Variants in FANCD2 observed in about 807,000 individuals in gnomAD.
FANCD2 encodes the protein Fanconi anemia group D2 protein.
A neutral mutation model predicts 192.3 loss-of-function variants in FANCD2; 131 were observed. The ratio of observed to expected loss-of-function variants is 0.68; its 90% CI spans 0.59 to 0.79. FANCD2 has a LOEUF of 0.79. Among genes scored for constraint, FANCD2 ranks in the 30% least tolerant of loss-of-function variants. The pLI is 0.00. For missense variants in FANCD2, 1,508 were observed against 1,701.6 expected, an observed-to-expected ratio of 0.89 and a Z score of 2.00; for synonymous variants, 524 against 612.5, an observed-to-expected ratio of 0.86 and a Z score of 2.13.
At chr3:10,046,481 C>T in intron 14 of FANCD2, 99 bp from the exon 15 acceptor site, 1 of 1,561,732 alleles carries the variant, frequency 6.4e-7, no homozygotes, top group Non-Finnish European at 8.7e-7. Flanking sequence ...GAGCATTATC[C>T]ATTCTGTGTT....
intron 17 of FANCD2, among the ~76,000 whole-genome samples, chr3:10,050,577 A>C (rs1333519022): frequency 8.1e-5 from 12 of 147,274 alleles, no homozygotes; most frequent in South Asian, 2.2e-4. Flanking sequence ...GAGCCAAGAT[A>C]ACACCACTGC....
chr3:10,036,647 C>T (rs543329381), intron 7 of FANCD2, among the ~76,000 whole-genome samples: 2 of 151,490 alleles, frequency 1.3e-5, no homozygotes, highest in African/African-American at 4.8e-5. Context: ...CCAGCCTGGG[C>T]AATGTAGTGA....
At chr3:10,066,669 T>G (rs1474604985) in intron 25 of FANCD2, among the ~76,000 whole-genome samples, 4 of 152,198 alleles carry the variant, frequency 2.6e-5, no homozygotes, top group African/African-American at 7.2e-5. Flanking sequence ...GTCTGGCTAT[T>G]CCACCTTGTA....
chr3:10,035,035 C>T, intron 5 of FANCD2, 138 bp from the exon 6 acceptor site: 1 of 761,314 alleles, frequency 1.3e-6, no homozygotes, highest in Non-Finnish European at 2.2e-6. Flanking sequence ...GAGCCATCTG[C>T]TCATTTCTGT....
Position 10,101,337 on chromosome 3 carries a change from C to T in FANCD2, c.*75C>T. 9.7e-7 allele frequency: 1 copy of T among 1,026,574 alleles called. No homozygotes were observed. Among genetic ancestry groups the T allele is most frequent in the South Asian group, 1.3e-5 (1 of 78,708 alleles). 63.6% of individuals were successfully genotyped at this position (1,026,574 alleles called of 1,614,324 possible). A position where few individuals can be genotyped will look rare whatever the true frequency, so the allele number is the denominator to read the frequency against. On this transcript the variant is annotated 3_prime_UTR_variant, in exon 44 of 44. Coordinates refer to ENST00000675286, the MANE Select transcript of FANCD2 (RefSeq NM_001018115.3). Reference sequence around the variant, plus strand: ...ATTTTGTGTTAGAGTTTGAAATCCGCTGTTTGCCTTTCTTACTGGTAGGAT... The same window carrying T: ...ATTTTGTGTTAGAGTTTGAAATCCGTTGTTTGCCTTTCTTACTGGTAGGAT...
Position 10,101,364 on chromosome 3 carries a change from C to T in FANCD2, c.*102C>T. 10 of 675,814 alleles carry T rather than the reference C, an allele frequency of 1.5e-5. No homozygotes were observed. The highest frequency in any genetic ancestry group is 5.9e-5 in the East Asian group (2 of 33,976). The allele number at this position is 675,814 out of a possible 1,614,324, so 41.9% of individuals were successfully genotyped here. A position where few individuals can be genotyped will look rare whatever the true frequency, so the allele number is the denominator to read the frequency against. On this transcript the variant is annotated 3_prime_UTR_variant, in exon 44 of 44. Transcript: ENST00000675286. ...GTTTGCCTTTCTTACTGGTAGGATCCTTTTTTGTTCCTCTTTTTTTTTTTT... is the reference window on the plus strand; with the variant it reads ...GTTTGCCTTTCTTACTGGTAGGATCTTTTTTTGTTCCTCTTTTTTTTTTTT...
At chr3:10,082,749 T>C (rs772659791) in intron 32 of FANCD2, among the ~76,000 whole-genome samples, 17 of 152,332 alleles carry the variant, frequency 1.1e-4, no homozygotes, top group Non-Finnish European at 1.6e-4. Context: ...TCTAACACTC[T>C]GGTATCCGTT....
chr3:10,095,110 C>A, intron 40 of FANCD2, 90 bp from the exon 41 acceptor site: 1 of 1,115,806 alleles, frequency 9.0e-7, no homozygotes, highest in Non-Finnish European at 1.3e-6. Context: ...CAGAGTTTAT[C>A]CTCTTTGGAG....
At chr3:10,083,196 C>T (rs936682119) in intron 32 of FANCD2, among the ~76,000 whole-genome samples, 6 of 151,234 alleles carry the variant, frequency 4.0e-5, no homozygotes, top group Non-Finnish European at 8.8e-5. Flanking sequence ...CACTGCACTC[C>T]AACCTGGGCA....
chr3:10,100,397 G>A (rs1027445069), intron 43 of FANCD2, among the ~76,000 whole-genome samples: 5 of 152,180 alleles, frequency 3.3e-5, no homozygotes, highest in East Asian at 3.9e-4. Flanking sequence ...TTTTTGAGAC[G>A]GAGTCTCCCT....
intron 18 of FANCD2, among the ~76,000 whole-genome samples, chr3:10,054,552 C>T (rs1435702428): frequency 6.5e-5 from 8 of 122,246 alleles, no homozygotes; most frequent in Non-Finnish European, 1.1e-4. Flanking sequence ...GGCGCAATCT[C>T]GGCTCCCTGC....
Position 10,041,610 on chromosome 3 carries a change from C to G in FANCD2, c.696-13C>G. 5.6e-6 allele frequency: 9 copies of G among 1,594,184 alleles called. No individual in the cohort carries two copies. Among genetic ancestry groups the G allele is most frequent in the Non-Finnish European group, 7.7e-6 (9 of 1,162,112 alleles). On this transcript the variant is annotated splice_polypyrimidine_tract_variant and intron_variant, in intron 9 of 43. Transcript: ENST00000675286. Reference sequence around the variant, plus strand: ...ACCATTATACAACTTTTTTCTTTTTCTACCATTCACAGTGACCTACTGATA... The same window carrying G: ...ACCATTATACAACTTTTTTCTTTTTGTACCATTCACAGTGACCTACTGATA...
chr3:10,088,026 G>C (rs762049274), intron 34 of FANCD2, among the ~76,000 whole-genome samples: 62 of 152,180 alleles, frequency 4.1e-4, no homozygotes, highest in Non-Finnish European at 5.9e-4. Context: ...CAGAAAGCAA[G>C]ATAAAAATGC....
chr3:10,092,600 CT>C (rs914722955), intron 38 of FANCD2, among the ~76,000 whole-genome samples: 1 of 151,856 alleles, frequency 6.6e-6, no homozygotes, highest in Non-Finnish European at 1.5e-5. Context: ...TTTAAACACA[CT>C]GTGCTCTCAC....
chr3:10,051,220 A>T (rs1175045425), intron 17 of FANCD2, among the ~76,000 whole-genome samples: 1 of 149,948 alleles, frequency 6.7e-6, no homozygotes, highest in Non-Finnish European at 1.5e-5. Flanking sequence ...CTCTACTAAA[A>T]ATACAAAAAA....
chr3:10,084,136 T>C (rs938511654), intron 32 of FANCD2, among the ~76,000 whole-genome samples: 3 of 151,470 alleles, frequency 2.0e-5, no homozygotes, highest in Admixed American at 1.3e-4. Flanking sequence ...TGAGATTACA[T>C]GCGCCTGCCA....
At chr3:10,051,950 G>T (rs925909999) in intron 17 of FANCD2, among the ~76,000 whole-genome samples, 1 of 151,988 alleles carries the variant, frequency 6.6e-6, no homozygotes, top group Non-Finnish European at 1.5e-5. Context: ...GGGATGATAT[G>T]GCAAGGAATA....
Position 10,092,098 on chromosome 3 carries a change from T to A in FANCD2, c.3778-83T>A, listed in dbSNP as rs540559416. On this transcript the variant is annotated intron_variant, in intron 37 of 43. Transcript: ENST00000675286. Reference sequence around the variant, plus strand: ...TTAAATATCTGTATAGCTATGTAATTCAAGAACTATATCTTAGTGGGAATA... The same window carrying A: ...TTAAATATCTGTATAGCTATGTAATACAAGAACTATATCTTAGTGGGAATA... 133 of 980,454 alleles carry A rather than the reference T, an allele frequency of 1.4e-4. 1 individual carries two copies. The South Asian group carries it at 1.6e-3, about 12-fold the overall frequency. The allele number at this position is 980,454 out of a possible 1,614,324, so 60.7% of individuals were successfully genotyped here.
chr3:10,051,419 G>C (rs2087212000), intron 17 of FANCD2, among the ~76,000 whole-genome samples: 1 of 2,236 alleles, frequency 4.5e-4, no homozygotes, highest in Admixed American at 6.8e-3. Flanking sequence ...AAAAAGGAGT[G>C]AGGGATTTAT....
Sources: allele counts gnomAD v4.1 joint callset (sites outside exome capture counted in the v4.1 genomes callset), GRCh38; gene constraint gnomAD v4.1.1; transcripts MANE v1.5; gene names NCBI Gene and HGNC (gene_info 2026-07-23, HGNC 2026-07-21).